The following KLF8 variants were observed in gnomAD, a reference collection of about 807,000 sequenced individuals.
KLF8 encodes Krueppel-like factor 8.
In KLF8, 10 loss-of-function variants were observed where a neutral mutation model predicts 18.2. That is an observed-to-expected ratio of 0.55 (90% CI 0.34 to 0.93). KLF8 has a LOEUF of 0.93. Among genes scored for constraint, KLF8 ranks in the 40% least tolerant of loss-of-function variants. KLF8 has a pLI of 0.02. For missense variants in KLF8, 264 were observed against 277.9 expected (o/e 0.95, Z 0.36); for synonymous variants, 109 against 97.3 (o/e 1.12, Z -0.71).
chrX:56,227,972 T>C (rs1216447751), upstream of KLF8, among the ~76,000 whole-genome samples: 2 of 110,187 alleles, frequency 1.8e-5, no homozygotes, highest in African/African-American at 6.6e-5. Context: ...ACTAAATTTA[T>C]AGGACTCAGC....
At chrX:56,209,995 A>C in the KLF8 span, among the ~76,000 whole-genome samples, 1 of 111,860 alleles carries the variant, frequency 8.9e-6, no homozygotes, top group Admixed American at 9.5e-5. Context: ...TTATTCAATG[A>C]CTATGTCTTG....
At chrX:56,203,772 TC>T in the KLF8 span, among the ~76,000 whole-genome samples, 6 of 111,925 alleles carry the variant, frequency 5.4e-5, no homozygotes, top group Non-Finnish European at 1.1e-4. Flanking sequence ...GCTATTCTGT[TC>T]CACTGGTCTA....
chrX:56,146,868 G>A, the KLF8 span, among the ~76,000 whole-genome samples: 3 of 111,637 alleles, frequency 2.7e-5, no homozygotes, highest in Non-Finnish European at 5.6e-5. Context: ...ATTTTCTTTC[G>A]TTATATGAAT....
At chrX:56,225,021 T>C in the KLF8 span, among the ~76,000 whole-genome samples, 1 of 111,098 alleles carries the variant, frequency 9.0e-6, no homozygotes, top group East Asian at 2.8e-4. Flanking sequence ...TTCTCATCTT[T>C]GCAGGTGGAG....
the KLF8 span, among the ~76,000 whole-genome samples, chrX:56,146,439 A>G: frequency 9.0e-6 from 1 of 111,625 alleles, no homozygotes; most frequent in Non-Finnish European, 1.9e-5. Flanking sequence ...GGAAACCATC[A>G]TTCTCAGGAA....
At chrX:55,918,751 T>C in the KLF8 span, among the ~76,000 whole-genome samples, 1 of 111,742 alleles carries the variant, frequency 8.9e-6, no homozygotes, top group African/African-American at 3.3e-5. Context: ...CGTGTGTGTG[T>C]GTGTGTGTGT....
At chrX:56,108,183 A>G in the KLF8 span, among the ~76,000 whole-genome samples, 8,904 of 111,270 alleles carry the variant, frequency 0.08, 885 homozygotes, top group African/African-American at 0.28. Flanking sequence ...CTTTCTAATG[A>G]CAATGCATTT....
chrX:56,065,642 A>G, the KLF8 span, among the ~76,000 whole-genome samples: 9 of 111,257 alleles, frequency 8.1e-5, no homozygotes, highest in African/African-American at 2.9e-4. Flanking sequence ...TTATGTTGAT[A>G]TCTGTGTATC....
chrX:55,959,617 T>C, the KLF8 span, among the ~76,000 whole-genome samples: 1 of 112,110 alleles, frequency 8.9e-6, no homozygotes, highest in African/African-American at 3.2e-5. Context: ...TTGGAAGCAC[T>C]AATAATAAAA....
chrX:56,176,087 G>A, the KLF8 span, among the ~76,000 whole-genome samples: 2 of 111,651 alleles, frequency 1.8e-5, no homozygotes, highest in Admixed American at 1.9e-4. Context: ...GGAGCATTTA[G>A]CCCATTTACA....
the KLF8 span, among the ~76,000 whole-genome samples, chrX:56,089,608 G>A: frequency 2.7e-5 from 3 of 112,074 alleles, no homozygotes; most frequent in Non-Finnish European, 5.6e-5. Context: ...AGGCCCCAGG[G>A]CAAACCAGTC....
chrX:55,939,133 C>T, the KLF8 span, among the ~76,000 whole-genome samples: 1 of 111,765 alleles, frequency 8.9e-6, no homozygotes, highest in Admixed American at 9.5e-5. Flanking sequence ...AAGTAAAGCT[C>T]TCCTCAGCAA....
chrX:56,229,229 G>C (rs971473514), upstream of KLF8, among the ~76,000 whole-genome samples: 5 of 111,365 alleles, frequency 4.5e-5, no homozygotes, highest in Admixed American at 9.6e-5. Flanking sequence ...AGGAGAAAGA[G>C]AAGAAGGGAA....
the KLF8 span, among the ~76,000 whole-genome samples, chrX:56,033,653 T>C: frequency 1.4e-4 from 16 of 111,743 alleles, no homozygotes; most frequent in Admixed American, 3.8e-4. Flanking sequence ...TATACCTGAG[T>C]TCCTTTCTCT....
At chrX:55,942,324 G>T in the KLF8 span, among the ~76,000 whole-genome samples, 1 of 109,226 alleles carries the variant, frequency 9.2e-6, no homozygotes, top group East Asian at 2.9e-4. Flanking sequence ...CAATGAGTAC[G>T]CATGGACACA....
the KLF8 span, among the ~76,000 whole-genome samples, chrX:56,128,960 A>G: frequency 1.5e-4 from 10 of 68,488 alleles, no homozygotes; most frequent in African/African-American, 3.4e-4. Flanking sequence ...AAAAAAGTGT[A>G]ATCAGGGAGA....
intron 4 of KLF8, 44 bp from the exon 5 acceptor site, chrX:56,270,136 TCA>T: frequency 8.8e-7 from 1 of 1,140,782 alleles, no homozygotes; most frequent in Admixed American, 2.6e-5. Context: ...TTTTTAGCCT[TCA>T]CTTTAAAGTC....
chrX:55,928,106 C>T, the KLF8 span, among the ~76,000 whole-genome samples: 6 of 111,879 alleles, frequency 5.4e-5, no homozygotes, highest in African/African-American at 1.6e-4. Context: ...GACAGTTTTG[C>T]GATCTTTTAT....
chrX:56,039,526 G>A, the KLF8 span, among the ~76,000 whole-genome samples: 5 of 111,644 alleles, frequency 4.5e-5, no homozygotes. Flanking sequence ...GTATAGGTGT[G>A]CAGTCTTATT....
Sources: allele counts gnomAD v4.1 joint callset (sites outside exome capture counted in the v4.1 genomes callset), GRCh38; gene constraint gnomAD v4.1.1; transcripts MANE v1.5; gene names NCBI Gene and HGNC (gene_info 2026-07-23, HGNC 2026-07-21).